The following C2CD3 variants were observed in gnomAD, a reference collection of about 807,000 sequenced individuals.
C2CD3 encodes the protein C2 domain containing 3 centriole elongation regulator.
Under a neutral mutation model 234.0 loss-of-function variants are expected in C2CD3, and 148 were observed. The ratio of observed to expected loss-of-function variants is 0.63; its 90% CI spans 0.55 to 0.72. The LOEUF is 0.72. Ranked by LOEUF, C2CD3 falls within the 30% of genes least tolerant of loss-of-function variation. The probability of loss-of-function intolerance (pLI) is 0.00; values close to 1 mark genes in which losing one functional copy is unlikely to be tolerated. For missense variants in C2CD3, 2,577 were observed against 2,811.5 expected, an observed-to-expected ratio of 0.92 and a Z score of 1.89; for synonymous variants, 1,000 against 1,035.4, an observed-to-expected ratio of 0.97 and a Z score of 0.66.
chr11:74,022,052 G>A (rs960880906), intron 32 of C2CD3, among the ~76,000 whole-genome samples: 1 of 152,104 alleles, frequency 6.6e-6, no homozygotes, highest in African/African-American at 2.4e-5. Flanking sequence ...CTTGCACTCG[G>A]GAGGCAGAGG....
chr11:74,122,304 G>C (rs1356779293), intron 8 of C2CD3, among the ~76,000 whole-genome samples: 1 of 152,108 alleles, frequency 6.6e-6, no homozygotes, highest in Non-Finnish European at 1.5e-5. Flanking sequence ...TCATGTAAAA[G>C]TTTTCCCTGC....
At chr11:74,141,328 G>T (rs975360308) in intron 3 of C2CD3, among the ~76,000 whole-genome samples, 1 of 152,192 alleles carries the variant, frequency 6.6e-6, no homozygotes, top group Non-Finnish European at 1.5e-5. Context: ...CAGCAATGCG[G>T]TGGGATGAAT....
At chr11:74,037,812 G>T in intron 29 of C2CD3, 114 bp from the exon 30 acceptor site, 1 of 754,380 alleles carries the variant, frequency 1.3e-6, no homozygotes, top group Non-Finnish European at 2.3e-6. Flanking sequence ...CTCTCACTTG[G>T]TCTATTAATA....
Position 74,090,871 on chromosome 11 carries a change from G to C in C2CD3, c.3583C>G (p.Arg1195Gly), listed in dbSNP as rs746544075. 2.5e-6 allele frequency: 4 copies of C among 1,614,024 alleles called. No individual in the cohort carries two copies. Among genetic ancestry groups the C allele is most frequent in the Non-Finnish European group, 3.4e-6 (4 of 1,179,960 alleles). ...PRTAEGVLAARTVSISVQIIR... is the reference protein window; with the variant it reads ...PRTAEGVLAAGTVSISVQIIR... Reference sequence around the variant, plus strand: ...ATCTGGACTGAGATGGAAACAGTTCGGGCAGCAAGAACTCCCTCTGCTGTT... The same window carrying C: ...ATCTGGACTGAGATGGAAACAGTTCCGGCAGCAAGAACTCCCTCTGCTGTT... The change falls in exon 20 of 33, where the codon CGA becomes GGA. Residue 1195 changes from arginine (R) to glycine (G), a missense_variant. By Grantham distance (125) the Arg-to-Gly change is moderately radical. Transcript: ENST00000334126.
At chr11:74,083,372 G>A (rs1264323491) in intron 22 of C2CD3, among the ~76,000 whole-genome samples, 3 of 152,120 alleles carry the variant, frequency 2.0e-5, no homozygotes, top group South Asian at 2.1e-4. Context: ...CATTCAGGAC[G>A]TAGGCATGGG....
rs542774402 is a variant in C2CD3 at position 74,037,741 on chromosome 11, G to A, written c.5661-43C>T. The stretch of plus-strand genomic sequence containing the variant: ...AGAAGAAGACAAAGGGGTAATTCAT[G>A]GAGATTATGAACATCTCTTATGTCC... On this transcript the variant is annotated intron_variant, in intron 29 of 32. Coordinates refer to ENST00000334126, the MANE Select transcript of C2CD3 (RefSeq NM_001286577.2). 128 of 1,457,614 alleles carry A rather than the reference G, an allele frequency of 8.8e-5. No homozygotes were observed. In the South Asian group the frequency reaches 1.3e-3, roughly 15 times the overall value. The allele number at this position is 1,457,614 out of a possible 1,614,324, so 90.3% of individuals were successfully genotyped here. A position where few individuals can be genotyped will look rare whatever the true frequency, so the allele number is the denominator to read the frequency against.
chr11:74,022,298 A>AG (rs762229301), intron 32 of C2CD3, among the ~76,000 whole-genome samples: 7 of 152,172 alleles, frequency 4.6e-5, no homozygotes, highest in Non-Finnish European at 8.8e-5. Flanking sequence ...TGCTTCTGGC[A>AG]GGAGTAACTA....
intron 3 of C2CD3, among the ~76,000 whole-genome samples, chr11:74,155,253 C>A (rs1487633950): frequency 6.6e-6 from 1 of 152,164 alleles, no homozygotes; most frequent in East Asian, 1.9e-4. Context: ...AATCCAATGA[C>A]TGCAAATAAA....
chr11:74,116,791 C>T (rs28800925), intron 9 of C2CD3, among the ~76,000 whole-genome samples: 6 of 143,426 alleles, frequency 4.2e-5, no homozygotes, highest in East Asian at 2.2e-4. Flanking sequence ...TATATATATA[C>T]ACACACACAC....
intron 32 of C2CD3, among the ~76,000 whole-genome samples, chr11:74,017,598 A>G (rs1462814934): frequency 6.6e-6 from 1 of 152,230 alleles, no homozygotes; most frequent in African/African-American, 2.4e-5. Flanking sequence ...AGCTGGTTCT[A>G]GTCCTGGCTC....
At position 74,049,503 on chromosome 11, in the gene C2CD3, G is replaced by C; in HGVS notation, c.5195C>G (p.Ser1732Cys). ...AAACTGGAAGCCAGAGAGAAGTGGGGAGAGGTCCACCGAGGCAAAGCCAAT... is the reference window on the plus strand; with the variant it reads ...AAACTGGAAGCCAGAGAGAAGTGGGCAGAGGTCCACCGAGGCAAAGCCAAT... ...RVIGFASVDL[S>C]PLLSGFQFVC... The change falls in exon 27 of 33, where the codon TCC becomes TGC. Residue 1732 changes from serine to cysteine, a missense_variant. Ser to Cys is a moderately radical substitution (Grantham distance 112). Coordinates refer to ENST00000334126, the MANE Select transcript of C2CD3 (RefSeq NM_001286577.2). 15 of 1,612,760 alleles carry C rather than the reference G, an allele frequency of 9.3e-6. No homozygotes were observed. The highest frequency in any genetic ancestry group is 1.3e-5 in the Non-Finnish European group (15 of 1,179,982).
chr11:74,113,988 A>G, intron 10 of C2CD3, 96 bp from the exon 11 acceptor site: 1 of 724,394 alleles, frequency 1.4e-6, no homozygotes, highest in Non-Finnish European at 2.2e-6. Flanking sequence ...TACTTTCAGG[A>G]CCTCTAGTAC....
chr11:74,133,661 G>A (rs1957754383), intron 5 of C2CD3, 104 bp from the exon 6 acceptor site: 1 of 1,202,952 alleles, frequency 8.3e-7, no homozygotes. Flanking sequence ...AGTGTGTACT[G>A]TAATAGTTTG....
chr11:74,051,872 A>T (rs1953709134), intron 26 of C2CD3, among the ~76,000 whole-genome samples: 1 of 152,212 alleles, frequency 6.6e-6, no homozygotes, highest in African/African-American at 2.4e-5. Flanking sequence ...CCTGGCACAG[A>T]ATAGAAACTT....
chr11:74,078,844 G>T, intron 22 of C2CD3, 127 bp from the exon 23 acceptor site: 1 of 814,740 alleles, frequency 1.2e-6, no homozygotes, highest in Non-Finnish European at 1.9e-6. Context: ...TACCCACAGT[G>T]AGTTGGAGTT....
chr11:74,019,577 C>T (rs1426144624), intron 32 of C2CD3, among the ~76,000 whole-genome samples: 1 of 152,160 alleles, frequency 6.6e-6, no homozygotes, highest in Non-Finnish European at 1.5e-5. Context: ...TTCCCTCAGG[C>T]CCCCTACTGA....
Position 74,078,404 on chromosome 11 carries a change from G to C in C2CD3, c.4314C>G (p.Arg1438=). 1 of 1,614,178 alleles carries C rather than the reference G, an allele frequency of 6.2e-7. No individual in the cohort carries two copies. The change falls in exon 23 of 33, where the codon CGC becomes CGG. Residue 1438 remains arginine (R), a synonymous_variant. Coordinates refer to ENST00000334126, the MANE Select transcript of C2CD3 (RefSeq NM_001286577.2). ...HIHKNTYCYL[R]YKFYDHEAFW... is the part of the protein sequence containing the mutation. ...AGGCTTCATGATCATAGAACTTGTA[G>C]CGAAGGTAGCAATATGTATTCTTAT...
intron 3 of C2CD3, among the ~76,000 whole-genome samples, chr11:74,144,844 C>T (rs767026674): frequency 9.9e-5 from 15 of 152,062 alleles, no homozygotes; most frequent in Non-Finnish European, 2.1e-4. Flanking sequence ...TCTTAACGGT[C>T]TACCATTGAT....
intron 24 of C2CD3, among the ~76,000 whole-genome samples, chr11:74,065,390 G>T (rs559748124): frequency 5.3e-5 from 8 of 152,164 alleles, no homozygotes; most frequent in East Asian, 1.9e-4. Context: ...TTAGAATGGC[G>T]ATCATTAAAA....
Sources: allele counts gnomAD v4.1 joint callset (sites outside exome capture counted in the v4.1 genomes callset), GRCh38; gene constraint gnomAD v4.1.1; transcripts MANE v1.5; gene names NCBI Gene and HGNC (gene_info 2026-07-23, HGNC 2026-07-21).